The following LRRC75A variants were observed in gnomAD, a reference collection of about 807,000 sequenced individuals.
The protein encoded by LRRC75A is leucine rich repeat containing 75A.
Under a neutral mutation model 26.0 loss-of-function variants are expected in LRRC75A, and 12 were observed. The observed-to-expected ratio is 0.46, with a 90% CI of 0.30 to 0.75. The LOEUF is 0.75. Among genes scored for constraint, LRRC75A ranks in the 30% least tolerant of loss-of-function variants. LRRC75A has a pLI of 0.08. For synonymous variants in LRRC75A, 223 were observed against 219.3 expected, an observed-to-expected ratio of 1.02 and a Z score of -0.15; for missense variants, 410 against 486.6, an observed-to-expected ratio of 0.84 and a Z score of 1.48.
At chr17:16,451,837 C>T (rs1461803064) in intron 2 of LRRC75A, among the ~76,000 whole-genome samples, 7 of 150,462 alleles carry the variant, frequency 4.7e-5, no homozygotes, top group East Asian at 4.1e-4. Context: ...CTCCGCCTCC[C>T]GGGTTCACGC....
intron 1 of LRRC75A, among the ~76,000 whole-genome samples, chr17:16,484,075 C>G (rs923270158): frequency 2.0e-5 from 3 of 152,120 alleles, no homozygotes; most frequent in African/African-American, 7.2e-5. Flanking sequence ...CAGTGGCTCA[C>G]GCTTGTAATC....
chr17:16,488,037 G>A (rs140306048), intron 1 of LRRC75A, among the ~76,000 whole-genome samples: 61 of 152,348 alleles, frequency 4.0e-4, no homozygotes, highest in Admixed American at 1.2e-3. Context: ...GCTCCATGAC[G>A]CAGGCCGACA....
chr17:16,479,733 C>T (rs1247038910), intron 1 of LRRC75A, among the ~76,000 whole-genome samples: 1 of 152,260 alleles, frequency 6.6e-6, no homozygotes, highest in Non-Finnish European at 1.5e-5. Flanking sequence ...GCTCATGAAG[C>T]TTGCCCCTCG....
In LRRC75A at chr17:16,444,076, TTCCCGACAGG is replaced by T; in HGVS notation, c.537_546del (p.Asp179GlufsTer4). 6.2e-7 allele frequency: 1 copy of T among 1,612,560 alleles called. No individual in the cohort carries two copies. Among genetic ancestry groups the T allele is most frequent in the South Asian group, 1.1e-5 (1 of 90,910 alleles). ...TCCAGGTCTCGGGAGGTCAGTGGGATTCCCGACAGGTCCACTGTGTTGTCTGGGGGGCTTC... is the reference window on the plus strand; with the variant it reads ...TCCAGGTCTCGGGAGGTCAGTGGGATTCCACTGTGTTGTCTGGGGGGCTTC... On this transcript the variant is annotated frameshift_variant, in exon 4 of 4. Transcript: ENST00000470794. LOFTEE classifies it high-confidence loss of function.
At chr17:16,468,338 A>C (rs1601176911) in intron 1 of LRRC75A, among the ~76,000 whole-genome samples, 1 of 152,264 alleles carries the variant, frequency 6.6e-6, no homozygotes, top group African/African-American at 2.4e-5. Context: ...GGGTACACGG[A>C]GTGTGGTCTA....
At chr17:16,467,211 C>T (rs1471479931) in intron 1 of LRRC75A, among the ~76,000 whole-genome samples, 1 of 152,288 alleles carries the variant, frequency 6.6e-6, no homozygotes. Flanking sequence ...TGGATTGCAG[C>T]GGTGCGATCA....
rs145024619 is a variant in LRRC75A at position 16,482,558 on chromosome 17, G to A, written c.246+9187C>T. 7.9e-5 allele frequency among the ~76,000 whole-genome samples: 12 copies of A among 152,290 alleles called. No homozygotes were observed. In the East Asian group the frequency reaches 1.5e-3, roughly 20 times the overall value. ...AGCCCACCTAGGAAGTGGGGGAGAC[G>A]GGGCTTCCCACAGGTCCTGGGCCTA... is the stretch of plus-strand genomic sequence containing the variant. On this transcript the variant is annotated intron_variant, in intron 1 of 3. Transcript: ENST00000470794.
At chr17:16,490,373 A>G (rs2093854842) in intron 1 of LRRC75A, among the ~76,000 whole-genome samples, 1 of 152,238 alleles carries the variant, frequency 6.6e-6, no homozygotes, top group South Asian at 2.1e-4. Flanking sequence ...AAGACAAAGA[A>G]ATACACACTG....
intron 2 of LRRC75A, among the ~76,000 whole-genome samples, chr17:16,453,876 C>T (rs2093655583): frequency 2.0e-5 from 3 of 152,106 alleles, no homozygotes. Context: ...AGACCAGAAC[C>T]CCTCTCCCTC....
At chr17:16,479,558 C>G (rs1309536764) in intron 1 of LRRC75A, among the ~76,000 whole-genome samples, 1 of 152,204 alleles carries the variant, frequency 6.6e-6, no homozygotes, top group Non-Finnish European at 1.5e-5. Context: ...TAAAGGCACT[C>G]TATGGGCTAG....
Position 16,442,002 on chromosome 17 carries a change from A to G in LRRC75A, c.*1586T>C, listed in dbSNP as rs1483470834. 6.6e-6 allele frequency: 1 copy of G among 152,596 alleles called. No individual in the cohort carries two copies. The highest frequency in any genetic ancestry group is 1.5e-5 in the Non-Finnish European group (1 of 68,338). The allele number at this position is 152,596 out of a possible 1,614,324, so 9.5% of individuals were successfully genotyped here. On this transcript the variant is annotated 3_prime_UTR_variant, in exon 4 of 4. Transcript: ENST00000470794. ...CCATGAACTAATACTACAATAAAGG[A>G]TGGTCTTGGGTGTCAATTCTTGAAA...
intron 1 of LRRC75A, among the ~76,000 whole-genome samples, chr17:16,472,352 C>G (rs1429377235): frequency 6.6e-6 from 1 of 152,134 alleles, no homozygotes; most frequent in Admixed American, 6.5e-5. Context: ...CAACAAAAAG[C>G]CAGTGACAAA....
At chr17:16,454,151 G>A (rs1601110609) in intron 2 of LRRC75A, among the ~76,000 whole-genome samples, 1 of 152,224 alleles carries the variant, frequency 6.6e-6, no homozygotes, top group East Asian at 1.9e-4. Context: ...AGCACTTTGG[G>A]AGGCCGAGGT....
chr17:16,478,116 T>C (rs968716457), intron 1 of LRRC75A, among the ~76,000 whole-genome samples: 1 of 151,674 alleles, frequency 6.6e-6, no homozygotes, highest in African/African-American at 2.4e-5. Flanking sequence ...TTAGAGCATT[T>C]TGCTGCATAC....
intron 3 of LRRC75A, among the ~76,000 whole-genome samples, chr17:16,444,989 C>T (rs1173470032): frequency 6.6e-6 from 1 of 151,200 alleles, no homozygotes. Context: ...GCTGGGATTA[C>T]AGGCGTCTGC....
intron 1 of LRRC75A, among the ~76,000 whole-genome samples, chr17:16,484,659 G>A (rs2093842292): frequency 6.6e-6 from 1 of 152,088 alleles, no homozygotes. Context: ...CCAGGGAAGG[G>A]AAAAACACAC....
chr17:16,491,685 C>G lies in LRRC75A; in HGVS notation c.246+60G>C. 8.4e-7 allele frequency: 1 copy of G among 1,197,066 alleles called. No homozygotes were observed. The highest frequency in any genetic ancestry group is 1.1e-6 in the Non-Finnish European group (1 of 946,722). 74.2% of individuals were successfully genotyped at this position (1,197,066 alleles called of 1,614,324 possible). A position where few individuals can be genotyped will look rare whatever the true frequency, so the allele number is the denominator to read the frequency against. ...TTCCTCGGTTAGGGATGGGGCGCCC[C>G]CCCCGGCCCAGCACGCCCCCTGGCC... On this transcript the variant is annotated intron_variant, in intron 1 of 3. Coordinates refer to ENST00000470794, the MANE Select transcript of LRRC75A (RefSeq NM_001113567.3). The surrounding 1 kb of genome is among the most constrained non-coding windows in gnomAD (Gnocchi z 5.9).
At chr17:16,477,612 T>G (rs1601196261) in intron 1 of LRRC75A, among the ~76,000 whole-genome samples, 1 of 152,034 alleles carries the variant, frequency 6.6e-6, no homozygotes, top group South Asian at 2.1e-4. Flanking sequence ...CTCTGGGCAG[T>G]GGGGAGGGCA....
chr17:16,442,568 C>T lies in LRRC75A; in HGVS notation c.*1020G>A, dbSNP rs2093540386. 6.6e-6 allele frequency: 1 copy of T among 152,242 alleles called. No homozygotes were observed. Among genetic ancestry groups the T allele is most frequent in the Admixed American group, 6.5e-5 (1 of 15,278 alleles). 9.4% of individuals were successfully genotyped at this position (152,242 alleles called of 1,614,324 possible). The stretch of plus-strand genomic sequence containing the variant: ...TAAGTTAGGTTCCTTTGGGAGCCTC[C>T]AGTTTGTTTCTCCCTCTCCCCAGCC... On this transcript the variant is annotated 3_prime_UTR_variant, in exon 4 of 4. Transcript: ENST00000470794.
Sources: allele counts gnomAD v4.1 joint callset (sites outside exome capture counted in the v4.1 genomes callset), GRCh38; gene constraint gnomAD v4.1.1; non-coding constraint Gnocchi (gnomAD v3.1); transcripts MANE v1.5; gene names NCBI Gene and HGNC (gene_info 2026-07-23, HGNC 2026-07-21).